The following TTC6 variants were observed in gnomAD, a reference collection of about 807,000 sequenced individuals.
TTC6 encodes tetratricopeptide repeat protein 6.
In TTC6, 172 loss-of-function variants were observed where a neutral mutation model predicts 210.4. The observed-to-expected ratio is 0.82, with a 90% confidence interval of 0.72 to 0.93. The LOEUF is 0.93. Ranked by LOEUF, TTC6 falls within the 40% of genes least tolerant of loss-of-function variation. The probability of loss-of-function intolerance (pLI) is 0.00; values close to 1 mark genes in which losing one functional copy is unlikely to be tolerated. For missense variants in TTC6, 2,414 were observed against 2,318.1 expected, an observed-to-expected ratio of 1.04 and a Z score of -0.85; for synonymous variants, 804 against 819.6, an observed-to-expected ratio of 0.98 and a Z score of 0.32.
intron 6 of TTC6, among the ~76,000 whole-genome samples, chr14:37,721,751 G>A (rs944764463): frequency 2.0e-5 from 3 of 150,860 alleles, no homozygotes; most frequent in Non-Finnish European, 3.0e-5. Context: ...ATTAAGATGT[G>A]TGGAGATTGA....
rs2095608993 is a variant in TTC6, at chr14:37,598,524, G to T, written c.-235+2516G>T. 6.6e-6 allele frequency among the ~76,000 whole-genome samples: 1 copy of T among 152,232 alleles called. No individual in the cohort carries two copies. On this transcript the variant is annotated intron_variant, in intron 1 of 2. Transcript: ENST00000556845. This position sits in a 1 kb window ranked among gnomAD's most constrained non-coding sequence, Gnocchi z 4.9. Reference sequence around the variant, plus strand: ...GTCCCGCAGTACCTGAGCGGCACTCGGTCCTTTGACCACGCTTGGCTGCCT... The same window carrying T: ...GTCCCGCAGTACCTGAGCGGCACTCTGTCCTTTGACCACGCTTGGCTGCCT...
At chr14:37,714,829 AC>A (rs1250992898) in intron 6 of TTC6, 33 bp downstream of exon 8, 29 of 1,524,086 alleles carry the variant, frequency 1.9e-5, no homozygotes, top group Non-Finnish European at 2.3e-5. Flanking sequence ...GTTTTTTTGT[AC>A]CTCACAGGTC....
chr14:37,693,705 G>A (rs2095808903), intron 3 of TTC6, among the ~76,000 whole-genome samples: 1 of 152,046 alleles, frequency 6.6e-6, no homozygotes, highest in African/African-American at 2.4e-5. Context: ...ATACTGCAAA[G>A]CTATAGAAAC....
At chr14:37,633,588 A>T (rs902777424) in intron 1 of TTC6, among the ~76,000 whole-genome samples, 25 of 152,272 alleles carry the variant, frequency 1.6e-4, no homozygotes, top group African/African-American at 6.0e-4. Context: ...GCCAGCAGGT[A>T]TTTCTTTATA....
chr14:37,811,164 T>C (rs2096128719), intron 24 of TTC6, among the ~76,000 whole-genome samples: 1 of 152,204 alleles, frequency 6.6e-6, no homozygotes, highest in Admixed American at 6.5e-5. Context: ...TCCCAGTTTT[T>C]ATTTCCTCCT....
chr14:37,789,095 T>A (rs953435686), intron 15 of TTC6, among the ~76,000 whole-genome samples: 3 of 152,210 alleles, frequency 2.0e-5, no homozygotes. Context: ...CAAGGAGTTT[T>A]ATCACCTGCA....
chr14:37,825,086 A>G (rs1330036905), intron 27 of TTC6, among the ~76,000 whole-genome samples: 1 of 152,212 alleles, frequency 6.6e-6, no homozygotes, highest in Admixed American at 6.5e-5. Context: ...AGTTAGGCCC[A>G]TCTGAGTTCT....
intron 12 of TTC6, among the ~76,000 whole-genome samples, chr14:37,750,715 T>A (rs1366770608): frequency 6.6e-6 from 1 of 151,850 alleles, no homozygotes. Context: ...GGTGAACCCC[T>A]GTGTCTATAA....
intron 29 of TTC6, among the ~76,000 whole-genome samples, chr14:37,838,477 T>C (rs967695881): frequency 6.6e-6 from 1 of 152,184 alleles, no homozygotes; most frequent in African/African-American, 2.4e-5. Flanking sequence ...AGATCGAAGA[T>C]GAGTTGTGAA....
At chr14:37,748,826 T>C (rs1595192428) in intron 10 of TTC6, 113 bp from the exon 13 acceptor site, 1 of 745,590 alleles carries the variant, frequency 1.3e-6, no homozygotes, top group East Asian at 2.8e-5. Context: ...AAAATTAGCA[T>C]GTAATTTTGT....
At chr14:37,818,385 A>T (rs1236808341) in intron 26 of TTC6, among the ~76,000 whole-genome samples, 1 of 152,126 alleles carries the variant, frequency 6.6e-6, no homozygotes, top group Non-Finnish European at 1.5e-5. Context: ...TTTGCTTTTA[A>T]AATTATTGAG....
At chr14:37,734,402 T>C (rs1205219034) in intron 7 of TTC6, among the ~76,000 whole-genome samples, 1 of 152,224 alleles carries the variant, frequency 6.6e-6, no homozygotes, top group African/African-American at 2.4e-5. Flanking sequence ...CTCAGAGTTG[T>C]AGTTGTTTTG....
At chr14:37,808,264 C>T (rs1980680) in intron 23 of TTC6, among the ~76,000 whole-genome samples, 118,441 of 151,984 alleles carry the variant, frequency 0.78, 46,758 homozygotes, top group Non-Finnish European at 0.84. Context: ...TTACTATCTA[C>T]AGAAATGGGT....
intron 2 of TTC6, among the ~76,000 whole-genome samples, chr14:37,611,943 A>G (rs2095635340): frequency 6.6e-6 from 1 of 152,130 alleles, no homozygotes; most frequent in Admixed American, 6.5e-5. Flanking sequence ...ACGACCCACA[A>G]TGGAACTGTT....
chr14:37,610,326 G>A (rs2095632286), intron 2 of TTC6, among the ~76,000 whole-genome samples: 1 of 152,180 alleles, frequency 6.6e-6, no homozygotes, highest in Non-Finnish European at 1.5e-5. Context: ...AGGATCTCTA[G>A]AGCGTTTATT....
chr14:37,627,636 T>A (rs963279599), intron 1 of TTC6, among the ~76,000 whole-genome samples: 1 of 152,238 alleles, frequency 6.6e-6, no homozygotes, highest in East Asian at 1.9e-4. Flanking sequence ...CATGAACTCA[T>A]CCTTTTTTAT....
chr14:37,683,433 C>T (rs1298729968), intron 3 of TTC6, among the ~76,000 whole-genome samples: 1 of 152,098 alleles, frequency 6.6e-6, no homozygotes, highest in Non-Finnish European at 1.5e-5. Flanking sequence ...ATTTGCATAT[C>T]ACCCTGCCTT....
At chr14:37,835,027 A>G (rs1158413821) in intron 29 of TTC6, among the ~76,000 whole-genome samples, 1 of 152,126 alleles carries the variant, frequency 6.6e-6, no homozygotes, top group Non-Finnish European at 1.5e-5. Context: ...TTTGCTGGAA[A>G]TGGTGATGCC....
chr14:37,700,005 T>G lies in TTC6; in HGVS notation c.1377-1327T>G, dbSNP rs76487975. Among the ~76,000 whole-genome samples, 821 of 152,248 alleles carry G rather than the reference T, an allele frequency of 5.4e-3. 19 individuals are homozygous for G. In the East Asian group the frequency reaches 0.076, roughly 14 times the overall value. On this transcript the variant is annotated intron_variant, in intron 4 of 30. Transcript: ENST00000553443. ...AGAGGTAGATGGAAATCTGGGATATTGCAGCTTTAAAGGCCCATGAAGGAA... is the reference window on the plus strand; with the variant it reads ...AGAGGTAGATGGAAATCTGGGATATGGCAGCTTTAAAGGCCCATGAAGGAA...
Sources: allele counts gnomAD v4.1 joint callset (sites outside exome capture counted in the v4.1 genomes callset), GRCh38; gene constraint gnomAD v4.1.1; non-coding constraint Gnocchi (gnomAD v3.1); transcripts MANE v1.5; gene names NCBI Gene and HGNC (gene_info 2026-07-23, HGNC 2026-07-21).